Variants in TOGARAM1 observed in about 807,000 individuals in gnomAD.
The protein encoded by TOGARAM1 is TOG array regulator of axonemal microtubules protein 1.
Under a neutral mutation model 166.6 loss-of-function variants are expected in TOGARAM1, and 100 were observed. That is an observed-to-expected ratio of 0.60 (90% CI 0.51 to 0.71). The LOEUF is 0.71. Ranked by LOEUF, TOGARAM1 falls within the 30% of genes least tolerant of loss-of-function variation. The pLI is 0.00. For missense variants in TOGARAM1, 2,029 were observed against 2,102.7 expected, an observed-to-expected ratio of 0.96 and a Z score of 0.69; for synonymous variants, 758 against 763.8, an observed-to-expected ratio of 0.99 and a Z score of 0.13.
intron 12 of TOGARAM1, 36 bp from the exon 13 acceptor site, chr14:45,044,599 A>G (rs1437611200): frequency 6.9e-7 from 1 of 1,441,558 alleles, no homozygotes; most frequent in Non-Finnish European, 9.5e-7. Context: ...TTCTTGCAGA[A>G]TATCAGCAAA....
intron 1 of TOGARAM1, among the ~76,000 whole-genome samples, chr14:44,973,654 T>C (rs1272347868): frequency 7.3e-5 from 11 of 151,706 alleles, no homozygotes; most frequent in African/African-American, 2.7e-4. Context: ...ATTTTCCTTT[T>C]CTCTGAAAAA....
At position 44,963,258 on chromosome 14, in the gene TOGARAM1, A is replaced by G. The variant is rs779299119; in HGVS notation, c.837A>G (p.Ala279=). Reference sequence around the variant, plus strand: ...AAGAATCTGAGACAGCTTTCTCCGCACTTCAACAAATTGGGGAGCGACTTG... The same window carrying G: ...AAGAATCTGAGACAGCTTTCTCCGCGCTTCAACAAATTGGGGAGCGACTTG... The part of the protein sequence containing the change: ...TEEESETAFS[A]LQQIGERLGQ... Residue 279 remains alanine, a synonymous_variant, in exon 1 of 20, where the codon GCA becomes GCG. Coordinates refer to ENST00000361462, the MANE Select transcript of TOGARAM1 (RefSeq NM_001308120.2). The G allele has an allele frequency of 2.5e-6, 4 of 1,614,162 alleles. No homozygotes were observed. In the East Asian group the frequency reaches 6.7e-5, roughly 27 times the overall value.
chr14:45,055,010 G>T (rs939470110), intron 16 of TOGARAM1, among the ~76,000 whole-genome samples: 2 of 152,086 alleles, frequency 1.3e-5, no homozygotes, highest in African/African-American at 2.4e-5. Flanking sequence ...GAGCTCAGGA[G>T]TTCGAGATCA....
At chr14:45,064,009 T>C (rs1206871133) in intron 16 of TOGARAM1, among the ~76,000 whole-genome samples, 2 of 152,162 alleles carry the variant, frequency 1.3e-5, no homozygotes, top group African/African-American at 4.8e-5. Flanking sequence ...GCACACATCT[T>C]ATTAGGCCAG....
At chr14:44,988,101 G>C (rs891271751) in intron 1 of TOGARAM1, among the ~76,000 whole-genome samples, 2 of 138,296 alleles carry the variant, frequency 1.4e-5, no homozygotes, top group African/African-American at 5.5e-5. Flanking sequence ...ACTGGGGCCT[G>C]CTGTGAGGTG....
chr14:45,065,182 AATAG>A lies in TOGARAM1; in HGVS notation c.4560-1390_4560-1387del, dbSNP rs1383163440. 1.1e-4 allele frequency among the ~76,000 whole-genome samples: 17 copies of A among 151,184 alleles called. No homozygotes were observed. In the East Asian group the frequency reaches 1.2e-3, roughly 10 times the overall value. On this transcript the variant is annotated intron_variant, in intron 16 of 19. Transcript: ENST00000361462. The stretch of plus-strand genomic sequence containing the variant: ...AATAAATTAAAAATTAAAAAAATAA[AATAG>A]ATAGAAAGATAGAGTGAGACTCTGC...
intron 16 of TOGARAM1, among the ~76,000 whole-genome samples, chr14:45,055,885 G>A (rs1594698467): frequency 7.3e-6 from 1 of 137,316 alleles, no homozygotes; most frequent in South Asian, 2.3e-4. Context: ...AGTGAGCCAC[G>A]AATTTTAGGA....
intron 2 of TOGARAM1, chr14:44,996,213 A>G (rs1361269590): frequency 6.0e-6 from 1 of 167,880 alleles, no homozygotes; most frequent in Non-Finnish European, 1.3e-5. Flanking sequence ...AGGAACGAGA[A>G]CAGACATTAA....
intron 6 of TOGARAM1, 117 bp from the exon 7 acceptor site, chr14:45,011,858 T>C: frequency 1.6e-6 from 1 of 620,854 alleles, no homozygotes; most frequent in Non-Finnish European, 2.8e-6. Context: ...TCATACTTAT[T>C]GCTCCCTTAT....
chr14:44,971,122 G>A (rs1448822171), intron 1 of TOGARAM1, among the ~76,000 whole-genome samples: 1 of 151,980 alleles, frequency 6.6e-6, no homozygotes, highest in East Asian at 1.9e-4. Flanking sequence ...GAAGGTAATT[G>A]CAGAGAATTG....
chr14:45,004,175 A>G lies in TOGARAM1; in HGVS notation c.2453A>G (p.Tyr818Cys). 2 of 1,614,058 alleles carry G rather than the reference A, an allele frequency of 1.2e-6. No individual in the cohort carries two copies. Among genetic ancestry groups the G allele is most frequent in the Non-Finnish European group, 1.7e-6 (2 of 1,179,990 alleles). Residue 818 changes from tyrosine to cysteine, a missense_variant, in exon 4 of 20, where the codon TAT (tyrosine) becomes TGT (cysteine). Transcript: ENST00000361462. ...CCAGGAGCTTACATCCTTCCATCCT[A>G]TCCTGTCTCATCACCTCGAACTAGT... ...PSPGAYILPSYPVSSPRTSPK... is the reference protein window; with the variant it reads ...PSPGAYILPSCPVSSPRTSPK...
intron 11 of TOGARAM1, among the ~76,000 whole-genome samples, chr14:45,032,948 T>C (rs1398453421): frequency 6.6e-6 from 1 of 152,104 alleles, no homozygotes; most frequent in Non-Finnish European, 1.5e-5. Flanking sequence ...CCATAATATC[T>C]CTTATTTTTT....
rs987962417 is a variant in TOGARAM1, at chr14:45,058,776, G to C, written c.4559+4227G>C. Reference sequence around the variant, plus strand: ...TATTGATATGTGAGATTTTGTTCCTGTCATATTGTTAAGTGTTATCTCCCT... The same window carrying C: ...TATTGATATGTGAGATTTTGTTCCTCTCATATTGTTAAGTGTTATCTCCCT... On this transcript the variant is annotated intron_variant, in intron 16 of 19. Transcript: ENST00000361462. Among the ~76,000 whole-genome samples, 3 of 152,092 alleles carry C rather than the reference G, an allele frequency of 2.0e-5. No homozygotes were observed. In the South Asian group the frequency reaches 6.2e-4, roughly 32 times the overall value.
At chr14:45,016,918 A>G (rs886833343) in intron 7 of TOGARAM1, among the ~76,000 whole-genome samples, 1 of 152,200 alleles carries the variant, frequency 6.6e-6, no homozygotes, top group East Asian at 1.9e-4. Flanking sequence ...TACCTTATGT[A>G]TAATATTGCT....
intron 11 of TOGARAM1, among the ~76,000 whole-genome samples, chr14:45,037,053 C>T: frequency 6.6e-6 from 1 of 151,190 alleles, no homozygotes; most frequent in Admixed American, 6.5e-5. Context: ...AGACTGGCCC[C>T]CATGATTCAG....
intron 2 of TOGARAM1, chr14:44,997,042 A>G (rs1333955019): frequency 6.6e-6 from 1 of 152,288 alleles, no homozygotes; most frequent in African/African-American, 2.4e-5. Flanking sequence ...AAGACTGATT[A>G]AGAATCTGTT....
chr14:45,036,100 A>G (rs1371418007), intron 11 of TOGARAM1, among the ~76,000 whole-genome samples: 1 of 147,504 alleles, frequency 6.8e-6, no homozygotes, highest in Non-Finnish European at 1.5e-5. Context: ...ACTACACTGC[A>G]GCCTGAGCAA....
chr14:45,069,024 T>C (rs1230532414), intron 18 of TOGARAM1, among the ~76,000 whole-genome samples: 1 of 152,120 alleles, frequency 6.6e-6, no homozygotes, highest in Non-Finnish European at 1.5e-5. Context: ...ACAACTTAAA[T>C]GTAAAACTTT....
At chr14:45,003,165 G>A (rs1887766605) in intron 3 of TOGARAM1, among the ~76,000 whole-genome samples, 1 of 151,982 alleles carries the variant, frequency 6.6e-6, no homozygotes, top group African/African-American at 2.4e-5. Flanking sequence ...GGTATAAGTA[G>A]AGATTTTAAC....
Sources: gnomAD v4.1 joint callset for allele counts (sites outside exome capture counted in the v4.1 genomes callset) on GRCh38, gnomAD v4.1.1 for gene constraint, MANE v1.5 for transcripts, NCBI Gene and HGNC (gene_info 2026-07-23, HGNC 2026-07-21) for gene names.